Variants in EXTL3 observed in about 807,000 individuals in gnomAD.
EXTL3 encodes the protein exostosin-like 3.
EXTL3 carries 27 observed loss-of-function variants against 69.3 expected under a neutral mutation model. That is an observed-to-expected ratio of 0.39 (90% CI 0.29 to 0.54). EXTL3 has a LOEUF of 0.54. Among genes scored for constraint, EXTL3 ranks in the 20% least tolerant of loss-of-function variants. The pLI is 0.69. For synonymous variants in EXTL3, 511 were observed against 499.4 expected (o/e 1.02, Z -0.31); for missense variants, 1,003 against 1,231.8 (o/e 0.81, Z 2.78).
At chr8:28,722,354 T>C (rs1485439000) in intron 3 of EXTL3, among the ~76,000 whole-genome samples, 1 of 152,172 alleles carries the variant, frequency 6.6e-6, no homozygotes, top group Admixed American at 6.5e-5. Context: ...GCAAAAAGAC[T>C]TGCAGTAGCC....
Position 28,716,405 on chromosome 8 carries a change from G to A in EXTL3, c.346G>A (p.Ala116Thr), listed in dbSNP as rs1234964105. 5.6e-6 allele frequency: 9 copies of A among 1,613,676 alleles called. No individual in the cohort carries two copies. Among genetic ancestry groups the A allele is most frequent in the Non-Finnish European group, 6.8e-6 (8 of 1,179,976 alleles). Residue 116 changes from alanine (A) to threonine (T), a missense_variant, in exon 3 of 7, where the codon GCC (alanine) becomes ACC (threonine). This residue lies in a region of EXTL3 where 742 missense variants were observed against 815.4 expected (regional missense o/e 0.91). Coordinates refer to ENST00000220562, the MANE Select transcript of EXTL3 (RefSeq NM_001440.4). The surrounding 1 kb of genome is among the most constrained non-coding windows in gnomAD (Gnocchi z 7.1). ...EIAKLNLKIEACKKSIENAKQ... is the reference protein window; with the variant it reads ...EIAKLNLKIETCKKSIENAKQ... ...CGCCAAGCTGAATCTGAAGATCGAA[G>A]CCTGTAAGAAGAGCATTGAGAACGC... is the stretch of plus-strand genomic sequence containing the variant.
At chr8:28,636,706 C>T (rs979321689) in intron 1 of EXTL3, among the ~76,000 whole-genome samples, 2 of 152,092 alleles carry the variant, frequency 1.3e-5, no homozygotes, top group Non-Finnish European at 2.9e-5. Context: ...GTTTACTCTG[C>T]GGAAAACTTA....
intron 2 of EXTL3, among the ~76,000 whole-genome samples, chr8:28,617,572 C>A (rs1806345430): frequency 6.6e-6 from 1 of 151,948 alleles, no homozygotes; most frequent in Non-Finnish European, 1.5e-5. Flanking sequence ...CTGGTGGAGC[C>A]CAGGGCTTCA....
intron 1 of EXTL3, among the ~76,000 whole-genome samples, chr8:28,663,043 C>G (rs564738832): frequency 3.9e-4 from 60 of 152,292 alleles, no homozygotes; most frequent in African/African-American, 1.3e-3. Context: ...AGCCAAAAAC[C>G]CTATGCTGAT....
chr8:28,661,307 T>G (rs1229462211), intron 1 of EXTL3, among the ~76,000 whole-genome samples: 7 of 152,054 alleles, frequency 4.6e-5, no homozygotes, highest in Non-Finnish European at 7.4e-5. Context: ...TCAGAGCATA[T>G]TCATGTTGAG....
chr8:28,726,281 GTTC>G (rs1476838532), intron 3 of EXTL3, among the ~76,000 whole-genome samples: 1 of 152,120 alleles, frequency 6.6e-6, no homozygotes, highest in Non-Finnish European at 1.5e-5. Context: ...GAGCCTTTCT[GTTC>G]TTCTGATTTT....
chr8:28,616,421 C>G (rs62504317), intron 2 of EXTL3, among the ~76,000 whole-genome samples: 5,559 of 152,010 alleles, frequency 0.037, 165 homozygotes, highest in Middle Eastern at 0.051. Flanking sequence ...GTCAGGAGAT[C>G]GAGACCATCC....
chr8:28,656,371 C>A (rs1425027481), intron 1 of EXTL3, among the ~76,000 whole-genome samples: 2 of 152,108 alleles, frequency 1.3e-5, no homozygotes, highest in South Asian at 4.1e-4. Flanking sequence ...CATTGTTGCC[C>A]AGGCTGGTTT....
chr8:28,679,693 A>C (rs538784133), intron 1 of EXTL3, among the ~76,000 whole-genome samples: 1 of 150,960 alleles, frequency 6.6e-6, no homozygotes, highest in South Asian at 2.1e-4. Context: ...ACTGCATTCC[A>C]GCTTGAGTGA....
At chr8:28,709,204 G>A (rs745428469) in intron 1 of EXTL3, among the ~76,000 whole-genome samples, 29 of 152,166 alleles carry the variant, frequency 1.9e-4, no homozygotes, top group Admixed American at 1.6e-3. Context: ...TGGTTTCCTC[G>A]TGTACAGAAC....
rs34231513 is a variant in EXTL3 at position 28,652,039 on chromosome 8, C to CTGTGTGTGTG, written c.-53+29241_-53+29250dup. Among the ~76,000 whole-genome samples, 532 of 145,208 alleles carry CTGTGTGTGTG rather than the reference C, an allele frequency of 3.7e-3. 1 individual carries two copies. Among genetic ancestry groups the CTGTGTGTGTG allele is most frequent in the Admixed American group, 5.0e-3 (74 of 14,700 alleles). ...ATAATATTCCATTGTGTGTGTGTGT[C>CTGTGTGTGTG]TGTGTGTGTGTGTGTGTGTGTATGT... On this transcript the variant is annotated intron_variant, in intron 1 of 6. Transcript: ENST00000523149.
At chr8:28,650,335 T>C (rs957073067) in intron 1 of EXTL3, among the ~76,000 whole-genome samples, 29 of 151,870 alleles carry the variant, frequency 1.9e-4, no homozygotes, top group African/African-American at 7.0e-4. Context: ...ATTGATTGGT[T>C]CAGCACCTTT....
rs367793242 is a variant in EXTL3, at chr8:28,610,215, A to ATG, written n.314+2479_314+2480dup. ...GAGACTCCATCTCAAAAATATGTAT[A>ATG]TGTGTGTGTGTGTGTGTGTGTGTTT... On this transcript the variant is annotated intron_variant and non_coding_transcript_variant, in intron 2 of 4. Coordinates refer to the EXTL3 transcript ENST00000522725. Among the ~76,000 whole-genome samples, 668 of 149,418 alleles carry ATG rather than the reference A, an allele frequency of 4.5e-3. 3 individuals carry two copies. The highest frequency in any genetic ancestry group is 0.012 in the African/African-American group (502 of 40,664).
chr8:28,700,616 C>A (rs931962347), upstream of EXTL3: 1 of 152,066 alleles, frequency 6.6e-6, no homozygotes, highest in African/African-American at 2.4e-5. Context: ...GTTTGGGGTT[C>A]CCTGGCGAGG....
At chr8:28,743,706 A>G (rs1801825916) in intron 6 of EXTL3, among the ~76,000 whole-genome samples, 1 of 152,162 alleles carries the variant, frequency 6.6e-6, no homozygotes, top group Non-Finnish European at 1.5e-5. Context: ...AAGAGCATGT[A>G]TGTCACTGTG....
At chr8:28,622,511 G>A (rs541307367), upstream of EXTL3, among the ~76,000 whole-genome samples, 32 of 151,894 alleles carry the variant, frequency 2.1e-4, no homozygotes, top group East Asian at 5.7e-3. Flanking sequence ...GGGAGCCGGC[G>A]AGGGCGGGGC....
At chr8:28,665,668 A>T (rs995121209) in intron 1 of EXTL3, among the ~76,000 whole-genome samples, 4 of 151,998 alleles carry the variant, frequency 2.6e-5, no homozygotes, top group African/African-American at 9.7e-5. Flanking sequence ...TCAACCTCCC[A>T]AAGTGCTGGG....
At chr8:28,699,900 G>A (rs756018536), upstream of EXTL3, 8 of 152,224 alleles carry the variant, frequency 5.3e-5, no homozygotes, top group Non-Finnish European at 1.2e-4. Context: ...ACAGGTAGCA[G>A]GTAACTGCAC....
Position 28,715,957 on chromosome 8 carries a change from T to C in EXTL3, c.-103T>C. On this transcript the variant is annotated 5_prime_UTR_variant, in exon 3 of 7. Transcript: ENST00000220562. ...CCTTGTCTGGGGAGCACACTAACTCTTCTGGAAACGTGTCAGTGAAACAGA... is the reference window on the plus strand; with the variant it reads ...CCTTGTCTGGGGAGCACACTAACTCCTCTGGAAACGTGTCAGTGAAACAGA... The C allele has an allele frequency of 1.1e-6, 1 of 948,786 alleles. No individual in the cohort carries two copies. The highest frequency in any genetic ancestry group is 2.4e-5 in the East Asian group (1 of 40,992). 58.8% of individuals were successfully genotyped at this position (948,786 alleles called of 1,614,324 possible). A position where few individuals can be genotyped will look rare whatever the true frequency, so the allele number is the denominator to read the frequency against.
Sources: gnomAD v4.1 joint callset for allele counts (sites outside exome capture counted in the v4.1 genomes callset) on GRCh38, gnomAD v4.1.1 for gene constraint, gnomAD v4.1.1 regional missense constraint, Gnocchi (gnomAD v3.1) non-coding constraint, MANE v1.5 for transcripts, NCBI Gene and HGNC (gene_info 2026-07-23, HGNC 2026-07-21) for gene names.